Variants in SORCS2 observed in about 807,000 individuals in gnomAD.
SORCS2 encodes sortilin related VPS10 domain containing receptor 2.
In SORCS2, 100 loss-of-function variants were observed where a neutral mutation model predicts 141.6. The observed-to-expected ratio is 0.71, with a 90% CI of 0.60 to 0.83. The LOEUF is 0.83. SORCS2 is among the 40% of genes least tolerant of loss of function. SORCS2 has a pLI of 0.00. For missense variants in SORCS2, 1,646 were observed against 1,560.2 expected (o/e 1.05, Z -0.93); for synonymous variants, 789 against 676.9 (o/e 1.17, Z -2.57).
At chr4:7,351,266 G>C (rs770907501) in intron 1 of SORCS2, among the ~76,000 whole-genome samples, 33 of 152,170 alleles carry the variant, frequency 2.2e-4, no homozygotes, top group Non-Finnish European at 3.7e-4. Context: ...GCAGAACAGA[G>C]ACCTGCTCAC....
chr4:7,309,554 C>G (rs1718050843), intron 1 of SORCS2, among the ~76,000 whole-genome samples: 1 of 152,228 alleles, frequency 6.6e-6, no homozygotes, highest in South Asian at 2.1e-4. Context: ...GAGTGAGAAC[C>G]TGCCCTCCAC....
At chr4:7,213,490 T>C (rs1432286488) in intron 1 of SORCS2, among the ~76,000 whole-genome samples, 2 of 152,294 alleles carry the variant, frequency 1.3e-5, no homozygotes, top group African/African-American at 4.8e-5. Flanking sequence ...TGTCGTAGCC[T>C]TGGAGGCGGA....
At chr4:7,518,335 G>A (rs931231589) in intron 2 of SORCS2, among the ~76,000 whole-genome samples, 1 of 152,094 alleles carries the variant, frequency 6.6e-6, no homozygotes, top group African/African-American at 2.4e-5. Context: ...GTAACTTGGC[G>A]GCTCACACGC....
intron 2 of SORCS2, among the ~76,000 whole-genome samples, chr4:7,492,327 T>C (rs188201177): frequency 7.5e-4 from 115 of 152,372 alleles, no homozygotes; most frequent in Middle Eastern, 6.8e-3. Context: ...TCGCGCGGTA[T>C]TTGTCTTTCT....
intron 3 of SORCS2, among the ~76,000 whole-genome samples, chr4:7,536,836 G>A (rs36015685): frequency 6.9e-6 from 1 of 145,638 alleles, no homozygotes; most frequent in African/African-American, 2.6e-5. Flanking sequence ...CAGATGTGGG[G>A]GGGGGGGGCG....
At chr4:7,705,225 G>C (rs1369280702) in intron 14 of SORCS2, among the ~76,000 whole-genome samples, 1 of 152,086 alleles carries the variant, frequency 6.6e-6, no homozygotes, top group Non-Finnish European at 1.5e-5. Flanking sequence ...GCAAGCCCAG[G>C]AACACCCAGG....
At chr4:7,655,202 TACACACACACAC>T (rs144046004) in intron 5 of SORCS2, among the ~76,000 whole-genome samples, 1 of 148,876 alleles carries the variant, frequency 6.7e-6, no homozygotes, top group Non-Finnish European at 1.5e-5. Flanking sequence ...CTTGTGCGTG[TACACACACACAC>T]ACACACACAC....
intron 17 of SORCS2, among the ~76,000 whole-genome samples, chr4:7,716,327 T>C (rs1404626911): frequency 6.6e-6 from 1 of 152,152 alleles, no homozygotes; most frequent in Non-Finnish European, 1.5e-5. Context: ...CACCCACCCA[T>C]CCATGCAATC....
chr4:7,400,851 A>T (rs1341246902), intron 2 of SORCS2, among the ~76,000 whole-genome samples: 1 of 152,054 alleles, frequency 6.6e-6, no homozygotes, highest in Non-Finnish European at 1.5e-5. Context: ...GGGGAGATGG[A>T]TGGATGGATG....
chr4:7,580,913 A>G (rs2108758059), intron 3 of SORCS2, among the ~76,000 whole-genome samples: 1 of 152,272 alleles, frequency 6.6e-6, no homozygotes, highest in South Asian at 2.1e-4. Context: ...AATAATAGAT[A>G]TGCCCTGGGA....
At chr4:7,530,484 C>T (rs964448206) in intron 2 of SORCS2, among the ~76,000 whole-genome samples, 3 of 152,192 alleles carry the variant, frequency 2.0e-5, no homozygotes, top group East Asian at 1.9e-4. Flanking sequence ...GCCCCACGGC[C>T]GTGTGTTCCA....
chr4:7,682,721 C>T, intron 9 of SORCS2, 22 bp from the exon 10 acceptor site: 2 of 1,596,260 alleles, frequency 1.3e-6, no homozygotes, highest in Non-Finnish European at 1.7e-6. Flanking sequence ...AGTTTACAGT[C>T]CTTCTTTTAT....
intron 3 of SORCS2, among the ~76,000 whole-genome samples, chr4:7,597,608 T>A (rs1036067542): frequency 2.1e-5 from 2 of 94,460 alleles, no homozygotes; most frequent in Non-Finnish European, 4.1e-5. Context: ...CTTTTGCAAC[T>A]GGGGCAGGTG....
chr4:7,555,937 A>G (rs1162789605), intron 3 of SORCS2, among the ~76,000 whole-genome samples: 1 of 152,254 alleles, frequency 6.6e-6, no homozygotes, highest in Non-Finnish European at 1.5e-5. Flanking sequence ...TGACATAACA[A>G]GTGCCCACTA....
At chr4:7,344,041 T>C (rs987600113) in intron 1 of SORCS2, among the ~76,000 whole-genome samples, 11 of 152,166 alleles carry the variant, frequency 7.2e-5, no homozygotes, top group African/African-American at 2.7e-4. Flanking sequence ...AGATGTTCTT[T>C]CTCCTTGGCC....
At chr4:7,200,238 C>G (rs552953459) in intron 1 of SORCS2, among the ~76,000 whole-genome samples, 3 of 152,252 alleles carry the variant, frequency 2.0e-5, no homozygotes, top group Admixed American at 6.5e-5. Context: ...GGTTGTGAGC[C>G]CAGATTCCCA....
chr4:7,479,974 G>A (rs1198070004), intron 2 of SORCS2, among the ~76,000 whole-genome samples: 2 of 152,242 alleles, frequency 1.3e-5, no homozygotes, highest in South Asian at 2.1e-4. Flanking sequence ...GTGACACCTG[G>A]TAGTGAATGC....
intron 1 of SORCS2, among the ~76,000 whole-genome samples, chr4:7,306,956 G>C (rs4689692): frequency 0.71 from 108,684 of 152,078 alleles, 42,785 homozygotes; most frequent in Non-Finnish European, 0.88. Flanking sequence ...ACAAAGAAGG[G>C]TCTCCCCTGC....
At chr4:7,388,689 C>T (rs978687693) in intron 1 of SORCS2, among the ~76,000 whole-genome samples, 5 of 152,166 alleles carry the variant, frequency 3.3e-5, no homozygotes, top group Admixed American at 2.0e-4. Flanking sequence ...AAACTCACCT[C>T]TTTAGCCATT....
Sources: allele counts gnomAD v4.1 joint callset (sites outside exome capture counted in the v4.1 genomes callset), GRCh38; gene constraint gnomAD v4.1.1; transcripts MANE v1.5; gene names NCBI Gene and HGNC (gene_info 2026-07-23, HGNC 2026-07-21).